The following ACOXL variants were observed in gnomAD, a reference collection of about 807,000 sequenced individuals.
ACOXL encodes acyl-CoA oxidase like, also known as acyl-coenzyme A oxidase-like protein.
A neutral mutation model predicts 71.9 loss-of-function variants in ACOXL; 70 were observed. That is an observed-to-expected ratio of 0.97 (90% CI 0.80 to 1.19). The LOEUF is 1.19. Ranked by LOEUF, ACOXL falls within the 50% of genes most tolerant of loss-of-function variation. The pLI is 0.00. For synonymous variants in ACOXL, 253 were observed against 281.6 expected, an observed-to-expected ratio of 0.90 and a Z score of 1.02; for missense variants, 703 against 736.3, an observed-to-expected ratio of 0.95 and a Z score of 0.52.
chr2:110,838,033 C>A (rs1276512095), intron 9 of ACOXL, among the ~76,000 whole-genome samples: 2 of 152,232 alleles, frequency 1.3e-5, no homozygotes, highest in Non-Finnish European at 2.9e-5. Context: ...CTCCTTTTGT[C>A]TAAGGGGCTC....
At chr2:110,981,149 G>T (rs12467067) in intron 12 of ACOXL, among the ~76,000 whole-genome samples, 1 of 152,166 alleles carries the variant, frequency 6.6e-6, no homozygotes, top group Admixed American at 6.5e-5. Context: ...GATCACTTGA[G>T]GTCAGGAGTT....
At chr2:110,907,558 G>A (rs1483284897) in intron 10 of ACOXL, among the ~76,000 whole-genome samples, 1 of 152,120 alleles carries the variant, frequency 6.6e-6, no homozygotes, top group Non-Finnish European at 1.5e-5. Flanking sequence ...GGATGGAGGG[G>A]CAGGCATGGA....
At position 111,029,494 on chromosome 2, in the gene ACOXL, T is replaced by C. The variant is rs75754700; in HGVS notation, c.1282-2133T>C. ...ACAGCAGAATGGTGTGTAGAGCCTA[T>C]ACTGCTCCTAGGTCAGCCCATCTGG... On this transcript the variant is annotated intron_variant, in intron 14 of 17. Transcript: ENST00000439055. 9.6e-4 allele frequency among the ~76,000 whole-genome samples: 146 copies of C among 152,266 alleles called. 1 individual carries two copies. The highest frequency in any genetic ancestry group is 3.4e-3 in the African/African-American group (140 of 41,524).
chr2:110,815,767 G>C lies in ACOXL; in HGVS notation c.753+10372G>C, dbSNP rs78317191. 4.6e-3 allele frequency among the ~76,000 whole-genome samples: 703 copies of C among 152,344 alleles called. 5 individuals carry two copies. Among genetic ancestry groups the C allele is most frequent in the African/African-American group, 0.013 (549 of 41,576 alleles). ...ATTCTCTGCCTACAAGGTTGGCCCT[G>C]AGTGGGGTGCCCAAGGGCTTCTGTG... On this transcript the variant is annotated intron_variant, in intron 9 of 17. Transcript: ENST00000439055.
rs527716900 is a variant in ACOXL, at chr2:110,805,366, G to T, written c.724G>T (p.Val242Leu). The T allele has an allele frequency of 1.8e-5, 29 of 1,614,222 alleles. No individual in the cohort carries two copies. The highest frequency in any genetic ancestry group is 3.3e-4 in the Middle Eastern group (2 of 6,062). The change falls in exon 9 of 18, where the codon GTG becomes TTG. Residue 242 changes from valine to leucine, a missense_variant. By Grantham distance (32) the Val-to-Leu change is conservative. Coordinates refer to ENST00000439055, the MANE Select transcript of ACOXL (RefSeq NM_001142807.4). ...AGCACTGACCCCTTCGAGATTAGCTGTGGCTTTCCAAGCTATGGGTGCCAT... is the reference window on the plus strand; with the variant it reads ...AGCACTGACCCCTTCGAGATTAGCTTTGGCTTTCCAAGCTATGGGTGCCAT... Reference protein sequence around the residue: ...LAALTPSRLAVAFQAMGAMKL... With the variant: ...LAALTPSRLALAFQAMGAMKL...
In ACOXL at chr2:110,926,906, C is replaced by T. The variant is rs371913690; in HGVS notation, c.906-6583C>T. Among the ~76,000 whole-genome samples the T allele has an allele frequency of 3.3e-4, 50 of 152,296 alleles. No homozygotes were observed. In the Middle Eastern group the frequency reaches 0.01, roughly 31 times the overall value. On this transcript the variant is annotated intron_variant, in intron 11 of 17. Transcript: ENST00000439055. ...AAATGAAATCTAAATTCCTACTTGC[C>T]AGCTGCCTCCCTCCTGGGGCCTTCC...
In ACOXL at chr2:111,093,794, T is replaced by C. The variant is rs535406667; in HGVS notation, c.1542+828T>C. 3 of 365,006 alleles carry C rather than the reference T, an allele frequency of 8.2e-6. No individual in the cohort carries two copies. The South Asian group carries it at 1.4e-4, about 17-fold the overall frequency. 22.6% of individuals were successfully genotyped at this position (365,006 alleles called of 1,614,324 possible). On this transcript the variant is annotated intron_variant, in intron 17 of 17. Coordinates refer to ENST00000439055, the MANE Select transcript of ACOXL (RefSeq NM_001142807.4). ...CACGAGAATCGCTTGAGCCCTGGAG[T>C]TGGAGGTTGCAGTGAGCAGAGATTG... is the stretch of plus-strand genomic sequence containing the variant.
chr2:111,004,800 C>T (rs1027595056), intron 14 of ACOXL, among the ~76,000 whole-genome samples: 1 of 152,156 alleles, frequency 6.6e-6, no homozygotes, highest in Admixed American at 6.5e-5. Flanking sequence ...TTCTGGTCAG[C>T]TTATACTGTT....
intron 14 of ACOXL, among the ~76,000 whole-genome samples, chr2:111,004,873 G>C (rs1558857072): frequency 6.6e-6 from 1 of 152,110 alleles, no homozygotes; most frequent in African/African-American, 2.4e-5. Flanking sequence ...TGTTTGTTAG[G>C]TTTTTACAAA....
intron 14 of ACOXL, among the ~76,000 whole-genome samples, chr2:111,013,236 A>C (rs145823580): frequency 6.6e-6 from 1 of 152,270 alleles, no homozygotes; most frequent in East Asian, 1.9e-4. Flanking sequence ...ACAACAAAAA[A>C]AATGGGGGCC....
intron 9 of ACOXL, among the ~76,000 whole-genome samples, chr2:110,837,125 G>A (rs989543022): frequency 6.6e-6 from 1 of 152,216 alleles, no homozygotes; most frequent in Non-Finnish European, 1.5e-5. Context: ...TCCAGCATGG[G>A]ACAGGGGCCC....
intron 11 of ACOXL, among the ~76,000 whole-genome samples, chr2:110,924,653 G>T (rs1053025636): frequency 6.6e-6 from 1 of 151,932 alleles, no homozygotes; most frequent in African/African-American, 2.4e-5. Flanking sequence ...TCTAATTATC[G>T]TTCTCTTGCT....
At chr2:110,889,994 AT>A (rs1697761216) in intron 10 of ACOXL, among the ~76,000 whole-genome samples, 1 of 152,182 alleles carries the variant, frequency 6.6e-6, no homozygotes, top group Non-Finnish European at 1.5e-5. Flanking sequence ...TTTTATAACC[AT>A]TCTAATGGAT....
intron 2 of ACOXL, among the ~76,000 whole-genome samples, chr2:110,779,597 A>T (rs1316633131): frequency 6.6e-6 from 1 of 152,246 alleles, no homozygotes; most frequent in Non-Finnish European, 1.5e-5. Context: ...GCTCAAGGTC[A>T]TGGGGTATTG....
intron 9 of ACOXL, among the ~76,000 whole-genome samples, chr2:110,830,829 G>A (rs997876906): frequency 2.6e-5 from 4 of 152,066 alleles, no homozygotes; most frequent in African/African-American, 9.7e-5. Flanking sequence ...CACCGCGCCT[G>A]GCCTGGTACA....
At chr2:110,851,617 T>C (rs1445246015) in intron 10 of ACOXL, among the ~76,000 whole-genome samples, 1 of 152,178 alleles carries the variant, frequency 6.6e-6, no homozygotes, top group Non-Finnish European at 1.5e-5. Context: ...GCCCTCGTGG[T>C]GGGGTGGTGC....
intron 15 of ACOXL, among the ~76,000 whole-genome samples, chr2:111,034,189 T>C (rs2065405224): frequency 6.6e-6 from 1 of 152,206 alleles, no homozygotes; most frequent in Non-Finnish European, 1.5e-5. Context: ...GAGCATGATA[T>C]TTACCTCGTG....
intron 14 of ACOXL, among the ~76,000 whole-genome samples, chr2:111,018,389 A>G (rs2064567048): frequency 6.6e-6 from 1 of 152,208 alleles, no homozygotes. Context: ...CCTTTGAGGC[A>G]AGGCATGGGG....
At chr2:111,069,776 A>G (rs2067253038) in intron 16 of ACOXL, among the ~76,000 whole-genome samples, 1 of 152,150 alleles carries the variant, frequency 6.6e-6, no homozygotes, top group African/African-American at 2.4e-5. Flanking sequence ...ACCTCTCTGC[A>G]TGCAGAAGAG....
Sources: gnomAD v4.1 joint callset for allele counts (sites outside exome capture counted in the v4.1 genomes callset) on GRCh38, gnomAD v4.1.1 for gene constraint, MANE v1.5 for transcripts, NCBI Gene and HGNC (gene_info 2026-07-23, HGNC 2026-07-21) for gene names.